Variants in EHD1 observed in about 807,000 individuals in gnomAD.
EHD1 encodes the protein EH domain containing 1.
EHD1 carries 19 observed loss-of-function variants against 39.0 expected under a neutral mutation model. The observed-to-expected ratio is 0.49, with a 90% CI of 0.34 to 0.72. The LOEUF (loss-of-function observed/expected upper bound fraction) is 0.72, where lower values mean the gene tolerates loss of function less well. Among genes scored for constraint, EHD1 ranks in the 30% least tolerant of loss-of-function variants. EHD1 has a pLI of 0.01. For missense variants in EHD1, 542 were observed against 751.5 expected (o/e 0.72, Z 3.26); for synonymous variants, 323 against 331.2 (o/e 0.98, Z 0.27).
intron 2 of EHD1, among the ~76,000 whole-genome samples, chr11:64,869,376 G>T (rs765283893): frequency 5.3e-5 from 8 of 152,244 alleles, no homozygotes; most frequent in Non-Finnish European, 1.0e-4. Flanking sequence ...GAGGCCTGGA[G>T]CTGGGAGCAA....
chr11:64,864,892 C>T (rs372733796), intron 2 of EHD1, among the ~76,000 whole-genome samples: 18 of 152,134 alleles, frequency 1.2e-4, no homozygotes, highest in Middle Eastern at 3.2e-3. Flanking sequence ...ACTCCCCCCT[C>T]CCCCTGGATG....
upstream of EHD1, chr11:64,879,637 C>A (rs1301415684): frequency 3.2e-6 from 5 of 1,550,888 alleles, 1 homozygote; most frequent in Admixed American, 9.8e-5. Flanking sequence ...CCATGGGGCT[C>A]ACTCCCCCGC....
intron 2 of EHD1, among the ~76,000 whole-genome samples, chr11:64,873,802 G>A (rs1308202): frequency 1.3e-5 from 2 of 151,452 alleles, no homozygotes; most frequent in African/African-American, 2.4e-5. Flanking sequence ...TCAGCCTCCC[G>A]AGTAGCTGGG....
intron 2 of EHD1, among the ~76,000 whole-genome samples, chr11:64,866,811 A>T (rs999097143): frequency 2.0e-5 from 3 of 152,166 alleles, no homozygotes; most frequent in African/African-American, 7.2e-5. Flanking sequence ...TGTACTCCTG[A>T]ACCTAAAAGT....
chr11:64,860,191 C>G lies in EHD1; in HGVS notation c.648G>C (p.Val216=). 1 of 1,614,166 alleles carries G rather than the reference C, an allele frequency of 6.2e-7. No homozygotes were observed. The highest frequency in any genetic ancestry group is 8.5e-7 in the Non-Finnish European group (1 of 1,180,038). ...ALKNHEDKIR[V]VLNKADQIET... The stretch of plus-strand genomic sequence containing the variant: ...CGATCTGGTCTGCCTTGTTCAGCAC[C>G]ACGCGGATCTTGTCCTCATGGTTCT... The change falls in exon 3 of 5, where the codon GTG becomes GTC. Residue 216 remains valine, a synonymous_variant. Transcript: ENST00000320631.
chr11:64,866,386 T>C (rs988429678), intron 2 of EHD1, among the ~76,000 whole-genome samples: 6 of 151,992 alleles, frequency 3.9e-5, no homozygotes, highest in African/African-American at 1.4e-4. Context: ...GAGGGTGGAA[T>C]GGGTGAGGAC....
intron 1 of EHD1, among the ~76,000 whole-genome samples, chr11:64,877,629 A>C (rs759976974): frequency 3.9e-5 from 6 of 152,210 alleles, no homozygotes; most frequent in Non-Finnish European, 8.8e-5. Flanking sequence ...GGAATGGCTA[A>C]AAGTTTCATT....
chr11:64,878,014 G>A, intron 1 of EHD1, 47 bp downstream of exon 1: 2 of 1,476,442 alleles, frequency 1.4e-6, no homozygotes, highest in Non-Finnish European at 8.9e-7. Flanking sequence ...CGAGTGAGGG[G>A]TGTGCCCCGG....
At chr11:64,875,089 G>A (rs1210868589) in intron 1 of EHD1, among the ~76,000 whole-genome samples, 3 of 152,240 alleles carry the variant, frequency 2.0e-5, no homozygotes, top group African/African-American at 7.2e-5. Flanking sequence ...GAAAGTCCGA[G>A]CAGGCTGAGG....
upstream of EHD1, chr11:64,879,054 G>T (rs1432446606): frequency 3.5e-5 from 35 of 999,352 alleles, no homozygotes; most frequent in Non-Finnish European, 3.9e-5. Flanking sequence ...CCTCCAGCTG[G>T]CTCGGAATCC....
chr11:64,863,742 CACTA>C (rs894016188), intron 2 of EHD1, among the ~76,000 whole-genome samples: 2 of 152,248 alleles, frequency 1.3e-5, no homozygotes, highest in Non-Finnish European at 2.9e-5. Flanking sequence ...GAACTCGGGC[CACTA>C]ACTAAGATGG....
upstream of EHD1, chr11:64,878,755 C>T (rs71581710): frequency 9.5e-3 from 10,155 of 1,067,040 alleles, 43 homozygotes; most frequent in Non-Finnish European, 0.01. Flanking sequence ...CCGACTGGTG[C>T]CACGTCTTCC....
intron 2 of EHD1, among the ~76,000 whole-genome samples, chr11:64,873,532 C>A (rs966441716): frequency 6.6e-6 from 1 of 152,172 alleles, no homozygotes; most frequent in African/African-American, 2.4e-5. Context: ...AAAAGCATGA[C>A]AGCCACATAA....
intron 1 of EHD1, among the ~76,000 whole-genome samples, chr11:64,876,127 A>G (rs149939305): frequency 1.3e-3 from 204 of 152,298 alleles, no homozygotes; most frequent in African/African-American, 4.2e-3. Flanking sequence ...CAGTTATGCA[A>G]TAAGTTTTTG....
rs1044190410 is a variant in EHD1 at position 64,868,226 on chromosome 11, G to C, written c.502+6195C>G. ...AGCTGCGTGGGCTTCAGTATTTCTC[G>C]CCCTAGCTCTCCATCACACAGGTTT... On this transcript the variant is annotated intron_variant, in intron 2 of 4. Coordinates refer to ENST00000320631, the MANE Select transcript of EHD1 (RefSeq NM_006795.4). The surrounding 1 kb of genome is among the most constrained non-coding windows in gnomAD (Gnocchi z 4.2). Among the ~76,000 whole-genome samples, 1 of 152,084 alleles carries C rather than the reference G, an allele frequency of 6.6e-6. No individual in the cohort carries two copies. Among genetic ancestry groups the C allele is most frequent in the South Asian group, 2.1e-4 (1 of 4,834 alleles).
chr11:64,860,763 T>C (rs1328987566), intron 2 of EHD1, among the ~76,000 whole-genome samples: 1 of 149,448 alleles, frequency 6.7e-6, no homozygotes, highest in Non-Finnish European at 1.5e-5. Flanking sequence ...GGCTCACACC[T>C]GTAATCCCGA....
rs1943791133 is a variant in EHD1 at position 64,868,361 on chromosome 11, C to T, written c.502+6060G>A. ...CCGTTCCTCAGCATTTACCTGAGAGCAGCAGCAGCACACGCCCACACGAAC... is the reference window on the plus strand; with the variant it reads ...CCGTTCCTCAGCATTTACCTGAGAGTAGCAGCAGCACACGCCCACACGAAC... On this transcript the variant is annotated intron_variant, in intron 2 of 4. Coordinates refer to ENST00000320631, the MANE Select transcript of EHD1 (RefSeq NM_006795.4). This position sits in a 1 kb window ranked among gnomAD's most constrained non-coding sequence, Gnocchi z 4.2. 2.0e-5 allele frequency among the ~76,000 whole-genome samples: 3 copies of T among 152,166 alleles called. No homozygotes were observed. The highest frequency in any genetic ancestry group is 6.5e-5 in the Admixed American group (1 of 15,278).
intron 1 of EHD1, among the ~76,000 whole-genome samples, chr11:64,874,724 G>T (rs542144085): frequency 2.6e-5 from 4 of 152,338 alleles, no homozygotes; most frequent in Non-Finnish European, 4.4e-5. Context: ...GCAACCAGCA[G>T]GCTCAAACTG....
Position 64,854,258 on chromosome 11 carries a change from A to G in EHD1, c.*75T>C. On this transcript the variant is annotated 3_prime_UTR_variant, in exon 5 of 5. Coordinates refer to ENST00000320631, the MANE Select transcript of EHD1 (RefSeq NM_006795.4). ...GCTCAGTCTTTATGGACCTTGAGAA[A>G]TGGTGAGGCTTCCCCTCCCCCCGTC... 6 of 1,494,564 alleles carry G rather than the reference A, an allele frequency of 4.0e-6. No homozygotes were observed. Among genetic ancestry groups the G allele is most frequent in the Non-Finnish European group, 5.3e-6 (6 of 1,125,480 alleles). The allele number at this position is 1,494,564 out of a possible 1,614,324, so 92.6% of individuals were successfully genotyped here. A position where few individuals can be genotyped will look rare whatever the true frequency, so the allele number is the denominator to read the frequency against.
Sources: allele counts gnomAD v4.1 joint callset (sites outside exome capture counted in the v4.1 genomes callset), GRCh38; gene constraint gnomAD v4.1.1; non-coding constraint Gnocchi (gnomAD v3.1); transcripts MANE v1.5; gene names NCBI Gene and HGNC (gene_info 2026-07-23, HGNC 2026-07-21).